SLCO5A1: variants seen among roughly 807,000 people sequenced by gnomAD.
SLCO5A1 encodes organic anion transporter polypeptide-related protein 4.
SLCO5A1 carries 39 observed loss-of-function variants against 65.1 expected under a neutral mutation model. The ratio of observed to expected loss-of-function variants is 0.60; its 90% confidence interval spans 0.46 to 0.78. The LOEUF is 0.78. Ranked by LOEUF, SLCO5A1 falls within the 30% of genes least tolerant of loss-of-function variation. SLCO5A1 has a pLI of 0.00. For synonymous variants in SLCO5A1, 438 were observed against 415.7 expected (o/e 1.05, Z -0.65); for missense variants, 1,029 against 1,069.4 (o/e 0.96, Z 0.53).
chr8:69,802,852 T>G (rs139292657), intron 2 of SLCO5A1, among the ~76,000 whole-genome samples: 1 of 152,320 alleles, frequency 6.6e-6, no homozygotes, highest in East Asian at 1.9e-4. Flanking sequence ...CATTACATGA[T>G]ATATGTCTGC....
chr8:69,722,039 G>A lies in SLCO5A1; in HGVS notation c.1423+16001C>T, dbSNP rs558463812. On this transcript the variant is annotated intron_variant, in intron 5 of 9. Coordinates refer to ENST00000260126, the MANE Select transcript of SLCO5A1 (RefSeq NM_030958.3). ...CTACAAAAACTAGCCAGGCATGGTG[G>A]CATATACCTATAGTCCCAGCTACTT... 2.0e-5 allele frequency among the ~76,000 whole-genome samples: 3 copies of A among 152,222 alleles called. No homozygotes were observed. The South Asian group carries it at 6.2e-4, about 32-fold the overall frequency.
chr8:69,674,235 C>T (rs1191530404), intron 9 of SLCO5A1, among the ~76,000 whole-genome samples: 1 of 152,160 alleles, frequency 6.6e-6, no homozygotes, highest in Non-Finnish European at 1.5e-5. Flanking sequence ...TTCTTCAAGG[C>T]AGGGGCCACG....
In SLCO5A1 at chr8:69,761,715, A is replaced by C. The variant is rs759736429; in HGVS notation, c.1040+28T>G. 1.8e-4 allele frequency: 292 copies of C among 1,605,512 alleles called. 3 individuals carry two copies. Among genetic ancestry groups the C allele is most frequent in the Non-Finnish European group, 7.7e-5 (91 of 1,177,948 alleles). On this transcript the variant is annotated intron_variant, in intron 3 of 9. Coordinates refer to ENST00000260126, the MANE Select transcript of SLCO5A1 (RefSeq NM_030958.3). ...TTTAACTATTATTAGTAAGAACTGA[A>C]ATTTAAAAATTAGAAAACAGAACTT... is the stretch of plus-strand genomic sequence containing the variant.
chr8:69,758,655 T>C (rs1429178471), intron 3 of SLCO5A1, among the ~76,000 whole-genome samples: 1 of 152,014 alleles, frequency 6.6e-6, no homozygotes, highest in African/African-American at 2.4e-5. Flanking sequence ...TATTAAAGTG[T>C]GGGGTCACTT....
rs200135889 is a variant in SLCO5A1, at chr8:69,755,559, G to A, written c.1123C>T (p.Arg375Ter). The A allele has an allele frequency of 9.3e-6, 15 of 1,613,760 alleles. No individual in the cohort carries two copies. Among genetic ancestry groups the A allele is most frequent in the Admixed American group, 5.0e-5 (3 of 59,974 alleles). ...TTTTTCTTTTTCTTTTTCTTGTGTC[G>A]AGGTGGAAGCTTTTTTGGGAAAGTA... ...MFTFPKKLPP[R>*]HKKKKKKKFS... Residue 375 changes from arginine (R) to a stop codon, truncating the protein, a stop_gained, in exon 4 of 10, where the codon CGA (arginine) becomes TGA (stop). Transcript: ENST00000260126. LOFTEE classifies it high-confidence loss of function.
intron 2 of SLCO5A1, among the ~76,000 whole-genome samples, chr8:69,822,542 T>A (rs1820693506): frequency 6.6e-6 from 1 of 152,224 alleles, no homozygotes; most frequent in Non-Finnish European, 1.5e-5. Flanking sequence ...CTTTTCTTTT[T>A]TCCAATTTTA....
intron 2 of SLCO5A1, among the ~76,000 whole-genome samples, chr8:69,797,622 G>A (rs527518266): frequency 9.2e-5 from 14 of 151,774 alleles, no homozygotes; most frequent in Admixed American, 2.0e-4. Flanking sequence ...TGGCCACTTC[G>A]TGGCGGGGGG....
intron 2 of SLCO5A1, among the ~76,000 whole-genome samples, chr8:69,784,620 T>C (rs372383770): frequency 6.6e-6 from 1 of 151,770 alleles, no homozygotes; most frequent in East Asian, 1.9e-4. Flanking sequence ...AAACCCCATC[T>C]CTACTAAAAA....
At chr8:69,747,792 G>C (rs1439195740) in intron 4 of SLCO5A1, among the ~76,000 whole-genome samples, 1 of 152,144 alleles carries the variant, frequency 6.6e-6, no homozygotes, top group Non-Finnish European at 1.5e-5. Context: ...GAAAAAATAT[G>C]ATCGTCCTGC....
intron 2 of SLCO5A1, among the ~76,000 whole-genome samples, chr8:69,828,116 A>G (rs1336628033): frequency 2.0e-5 from 3 of 152,206 alleles, no homozygotes; most frequent in African/African-American, 4.8e-5. Flanking sequence ...AATAATCTCC[A>G]TCTTATAAGG....
chr8:69,745,560 G>A (rs536642997), intron 4 of SLCO5A1, among the ~76,000 whole-genome samples: 19 of 152,168 alleles, frequency 1.2e-4, no homozygotes, highest in Non-Finnish European at 4.4e-5. Context: ...TAAATTATGA[G>A]TATTAAATAC....
chr8:69,690,424 C>CT (rs950471500), intron 6 of SLCO5A1, among the ~76,000 whole-genome samples: 6 of 152,154 alleles, frequency 3.9e-5, no homozygotes, highest in Non-Finnish European at 8.8e-5. Context: ...AGAAAAAACT[C>CT]TTAAGTAGAT....
At chr8:69,742,659 C>T (rs1046220321) in intron 4 of SLCO5A1, among the ~76,000 whole-genome samples, 4 of 152,108 alleles carry the variant, frequency 2.6e-5, no homozygotes, top group African/African-American at 9.7e-5. Context: ...CCCATCATCA[C>T]GTGCACACGG....
At position 69,832,525 on chromosome 8, in the gene SLCO5A1, A is replaced by C. The variant is rs1423874658; in HGVS notation, c.149T>G (p.Leu50Arg). 7.5e-6 allele frequency: 12 copies of C among 1,608,014 alleles called. No homozygotes were observed. The South Asian group carries it at 1.3e-4, about 18-fold the overall frequency. Reference protein sequence around the residue: ...VLSSASCRPSLSPTSGDANPA... With the variant: ...VLSSASCRPSRSPTSGDANPA... ...GTTGGCGTCTCCACTAGTGGGACTGAGGCTTGGCCGGCAGGAGGCGCTGCT... is the reference window on the plus strand; with the variant it reads ...GTTGGCGTCTCCACTAGTGGGACTGCGGCTTGGCCGGCAGGAGGCGCTGCT... Residue 50 changes from leucine (L) to arginine (R), a missense_variant, in exon 2 of 10, where the codon CTC (leucine) becomes CGC (arginine). Leu to Arg is a moderately radical substitution (Grantham distance 102). This residue lies in a region of SLCO5A1 where 647 missense variants were observed against 647.5 expected (regional missense o/e 1.00). Transcript: ENST00000260126. This position sits in a 1 kb window ranked among gnomAD's most constrained non-coding sequence, Gnocchi z 4.5.
In SLCO5A1 at chr8:69,755,569, C is replaced by T. The variant is rs143703772; in HGVS notation, c.1113G>A (p.Lys371=). Residue 371 remains lysine, a synonymous_variant, in exon 4 of 10, where the codon AAG becomes AAA. Coordinates refer to ENST00000260126, the MANE Select transcript of SLCO5A1 (RefSeq NM_030958.3). ...TCTTTTTCTTGTGTCGAGGTGGAAG[C>T]TTTTTTGGGAAAGTAAACATTGGGA... ...VIFPMFTFPK[K]LPPRHKKKKK... The T allele has an allele frequency of 3.7e-6, 6 of 1,613,730 alleles. No homozygotes were observed. Among genetic ancestry groups the T allele is most frequent in the Non-Finnish European group, 5.1e-6 (6 of 1,179,966 alleles).
At chr8:69,777,826 A>G (rs1330793923) in intron 2 of SLCO5A1, among the ~76,000 whole-genome samples, 2 of 152,196 alleles carry the variant, frequency 1.3e-5, no homozygotes, top group African/African-American at 4.8e-5. Context: ...GGATGCCAGA[A>G]GCAGACGGTC....
At chr8:69,743,893 G>C (rs759184831) in intron 4 of SLCO5A1, among the ~76,000 whole-genome samples, 17 of 152,248 alleles carry the variant, frequency 1.1e-4, no homozygotes, top group Non-Finnish European at 2.4e-4. Context: ...AGACTATAAA[G>C]GGCTAATTAG....
chr8:69,695,831 A>T (rs983579163), intron 6 of SLCO5A1, among the ~76,000 whole-genome samples: 2 of 152,252 alleles, frequency 1.3e-5, no homozygotes, highest in Non-Finnish European at 2.9e-5. Flanking sequence ...AAAGAAGTTC[A>T]GAAAGTTCAT....
intron 4 of SLCO5A1, among the ~76,000 whole-genome samples, chr8:69,743,193 AC>A (rs1320629048): frequency 2.0e-5 from 3 of 151,976 alleles, no homozygotes; most frequent in Non-Finnish European, 4.4e-5. Context: ...TATTCTCCAA[AC>A]CTACTGATCA....
Sources: gnomAD v4.1 joint callset for allele counts (sites outside exome capture counted in the v4.1 genomes callset) on GRCh38, gnomAD v4.1.1 for gene constraint, gnomAD v4.1.1 regional missense constraint, Gnocchi (gnomAD v3.1) non-coding constraint, MANE v1.5 for transcripts, NCBI Gene and HGNC (gene_info 2026-07-23, HGNC 2026-07-21) for gene names.